Variants in RNGTT observed in about 807,000 individuals in gnomAD.
RNGTT encodes the protein mRNA-capping enzyme.
A neutral mutation model predicts 79.3 loss-of-function variants in RNGTT; 33 were observed. The observed-to-expected ratio is 0.42, with a 90% CI of 0.32 to 0.56. The LOEUF is 0.56. Among genes scored for constraint, RNGTT ranks in the 20% least tolerant of loss-of-function variants. The probability of loss-of-function intolerance (pLI) is 0.17; values close to 1 mark genes in which losing one functional copy is unlikely to be tolerated. For synonymous variants in RNGTT, 222 were observed against 235.9 expected, an observed-to-expected ratio of 0.94 and a Z score of 0.54; for missense variants, 497 against 739.1, an observed-to-expected ratio of 0.67 and a Z score of 3.80.
chr6:88,819,793 C>T (rs141674032), intron 11 of RNGTT, among the ~76,000 whole-genome samples: 1 of 152,176 alleles, frequency 6.6e-6, no homozygotes, highest in East Asian at 1.9e-4. Flanking sequence ...TTTAAAAGTA[C>T]TCCACATCAA....
At chr6:88,637,355 A>C (rs565739847) in intron 14 of RNGTT, among the ~76,000 whole-genome samples, 8 of 152,206 alleles carry the variant, frequency 5.3e-5, no homozygotes, top group African/African-American at 1.9e-4. Context: ...AAAAATAATA[A>C]ACTATTTGGT....
Position 88,782,601 on chromosome 6 carries a change from A to G in RNGTT, c.1339-12727T>C, listed in dbSNP as rs184222411. 2.2e-3 allele frequency among the ~76,000 whole-genome samples: 337 copies of G among 152,254 alleles called. 2 individuals are homozygous for G. Among genetic ancestry groups the G allele is most frequent in the African/African-American group, 7.7e-3 (319 of 41,556 alleles). ...TGCACAGCAAAAGAAACAATGAACA[A>G]AGTGAAAGGTCACCTATGAAATGAG... On this transcript the variant is annotated intron_variant, in intron 12 of 15. Coordinates refer to ENST00000369485, the MANE Select transcript of RNGTT (RefSeq NM_003800.5).
intron 14 of RNGTT, among the ~76,000 whole-genome samples, chr6:88,645,498 A>G (rs1416356921): frequency 6.6e-6 from 1 of 152,232 alleles, no homozygotes; most frequent in Non-Finnish European, 1.5e-5. Flanking sequence ...AATTGGAAAA[A>G]ACTACTTTAA....
At chr6:88,829,728 G>C (rs9353624) in intron 11 of RNGTT, among the ~76,000 whole-genome samples, 5,347 of 143,136 alleles carry the variant, frequency 0.037, 163 homozygotes, top group African/African-American at 0.076. Context: ...AAAAAAACCA[G>C]GGGTTGCAAT....
chr6:88,832,186 AACTAC>A (rs1780894212), intron 11 of RNGTT, among the ~76,000 whole-genome samples: 1 of 152,224 alleles, frequency 6.6e-6, no homozygotes, highest in Non-Finnish European at 1.5e-5. Flanking sequence ...CTGACCTCAA[AACTAC>A]ACTACAAGGC....
intron 9 of RNGTT, among the ~76,000 whole-genome samples, chr6:88,850,799 T>C (rs187506174): frequency 1.1e-4 from 16 of 152,080 alleles, no homozygotes; most frequent in Admixed American, 1.0e-3. Context: ...CCAAATGGTA[T>C]AACAAAGGCA....
At chr6:88,702,116 A>G (rs911005388) in intron 13 of RNGTT, among the ~76,000 whole-genome samples, 25 of 152,210 alleles carry the variant, frequency 1.6e-4, no homozygotes, top group Non-Finnish European at 3.4e-4. Context: ...GAAAGAATCA[A>G]TATCATTAAA....
intron 8 of RNGTT, among the ~76,000 whole-genome samples, chr6:88,873,386 T>G (rs9362580): frequency 0.21 from 32,247 of 152,054 alleles, 4,031 homozygotes; most frequent in African/African-American, 0.33. Context: ...CCAAGAACAA[T>G]TTGTCATGAA....
intron 6 of RNGTT, among the ~76,000 whole-genome samples, chr6:88,896,717 T>C (rs1305381324): frequency 2.0e-5 from 3 of 152,206 alleles, no homozygotes; most frequent in Admixed American, 6.5e-5. Context: ...TAAGTTATTT[T>C]CTGCTGTTTA....
chr6:88,808,454 C>A (rs1033841852), intron 11 of RNGTT, among the ~76,000 whole-genome samples: 1 of 151,638 alleles, frequency 6.6e-6, no homozygotes, highest in Non-Finnish European at 1.5e-5. Context: ...GATGGCAAGA[C>A]AAAAGGAAAA....
chr6:88,696,187 A>C (rs1775658247), intron 13 of RNGTT, among the ~76,000 whole-genome samples: 1 of 152,230 alleles, frequency 6.6e-6, no homozygotes, highest in African/African-American at 2.4e-5. Context: ...ATGTGAAGTG[A>C]AGAATGTCAA....
intron 12 of RNGTT, among the ~76,000 whole-genome samples, chr6:88,776,180 C>T (rs751666864): frequency 6.6e-6 from 1 of 152,158 alleles, no homozygotes; most frequent in South Asian, 2.1e-4. Context: ...ACTCTCCACA[C>T]CTTCACCAAC....
chr6:88,934,340 A>G (rs1784598311), intron 2 of RNGTT, among the ~76,000 whole-genome samples: 1 of 152,150 alleles, frequency 6.6e-6, no homozygotes, highest in African/African-American at 2.4e-5. Context: ...CTAGTCATAA[A>G]TAGCCATTCT....
intron 12 of RNGTT, among the ~76,000 whole-genome samples, chr6:88,780,640 A>C (rs1398731926): frequency 6.6e-6 from 1 of 152,144 alleles, no homozygotes; most frequent in African/African-American, 2.4e-5. Context: ...GTCAAAAAAA[A>C]ACTGGGGATA....
At chr6:88,938,668 G>GT (rs1383343535) in intron 2 of RNGTT, among the ~76,000 whole-genome samples, 1 of 152,018 alleles carries the variant, frequency 6.6e-6, no homozygotes, top group Non-Finnish European at 1.5e-5. Flanking sequence ...TAACATTTGA[G>GT]TTTTTCCCCC....
At chr6:88,748,172 A>G (rs886653580) in intron 13 of RNGTT, among the ~76,000 whole-genome samples, 12 of 151,922 alleles carry the variant, frequency 7.9e-5, no homozygotes, top group Non-Finnish European at 1.5e-5. Context: ...AGGGAAATTA[A>G]AAGAAAAAAA....
intron 8 of RNGTT, among the ~76,000 whole-genome samples, chr6:88,858,145 A>G (rs189923556): frequency 3.3e-5 from 5 of 152,300 alleles, no homozygotes; most frequent in Non-Finnish European, 7.4e-5. Context: ...GATCATTTAC[A>G]TTGATTTATT....
At chr6:88,956,778 C>T (rs1356799218) in intron 1 of RNGTT, among the ~76,000 whole-genome samples, 1 of 152,118 alleles carries the variant, frequency 6.6e-6, no homozygotes, top group East Asian at 1.9e-4. Context: ...GTGGCTCTTG[C>T]CTGTAATCCC....
intron 4 of RNGTT, among the ~76,000 whole-genome samples, chr6:88,911,321 C>G (rs1039366554): frequency 6.6e-6 from 1 of 152,132 alleles, no homozygotes; most frequent in Non-Finnish European, 1.5e-5. Context: ...CAAAAAAGAG[C>G]AGGGGTTGCT....
Sources: allele counts gnomAD v4.1 joint callset (sites outside exome capture counted in the v4.1 genomes callset), GRCh38; gene constraint gnomAD v4.1.1; transcripts MANE v1.5; gene names NCBI Gene and HGNC (gene_info 2026-07-23, HGNC 2026-07-21).